UNC5D: variants seen among roughly 807,000 people sequenced by gnomAD.
The protein encoded by UNC5D is unc-5 netrin receptor D.
In UNC5D, 39 loss-of-function variants were observed where a neutral mutation model predicts 105.4. The observed-to-expected ratio is 0.37, with a 90% CI of 0.29 to 0.48. The LOEUF (loss-of-function observed/expected upper bound fraction) is 0.48. UNC5D is among the 20% of genes least tolerant of loss of function. The probability of loss-of-function intolerance (pLI) is 0.98; values close to 1 mark genes in which losing one functional copy is unlikely to be tolerated. For synonymous variants in UNC5D, 452 were observed against 450.4 expected (o/e 1.00, Z -0.04); for missense variants, 991 against 1,202.4 (o/e 0.82, Z 2.60).
At chr8:35,745,751 A>C (rs1829970523) in intron 11 of UNC5D, among the ~76,000 whole-genome samples, 1 of 152,234 alleles carries the variant, frequency 6.6e-6, no homozygotes, top group South Asian at 2.1e-4. Flanking sequence ...CTATGCAAAA[A>C]GGTTTTTCAG....
At position 35,552,717 on chromosome 8, in the gene UNC5D, A is replaced by C. The variant is rs188597297; in HGVS notation, c.322+3207A>C. ...AACAAATTGAATCTTGGTTTCAGGA[A>C]CGTCTCTGATCTTGTGCTCCCAAGG... On this transcript the variant is annotated intron_variant, in intron 2 of 16. Coordinates refer to ENST00000404895, the MANE Select transcript of UNC5D (RefSeq NM_080872.4). Among the ~76,000 whole-genome samples the C allele has an allele frequency of 2.0e-5, 3 of 152,284 alleles. No individual in the cohort carries two copies. The East Asian group carries it at 5.8e-4, about 29-fold the overall frequency.
chr8:35,585,487 G>A (rs1818728185), intron 3 of UNC5D, among the ~76,000 whole-genome samples: 2 of 151,764 alleles, frequency 1.3e-5, no homozygotes, highest in East Asian at 3.9e-4. Flanking sequence ...GGAATTTCAG[G>A]AAGATGTCAT....
chr8:35,600,857 G>C (rs1339841397), intron 4 of UNC5D, among the ~76,000 whole-genome samples: 1 of 152,104 alleles, frequency 6.6e-6, no homozygotes, highest in Admixed American at 6.6e-5. Flanking sequence ...TGGTGTTTTA[G>C]ACATGAAGAC....
intron 1 of UNC5D, among the ~76,000 whole-genome samples, chr8:35,331,576 G>A (rs746939812): frequency 1.3e-5 from 2 of 152,160 alleles, no homozygotes; most frequent in African/African-American, 2.4e-5. Context: ...TTCAGCCTGC[G>A]TCAGCAGTCA....
chr8:35,743,306 G>C (rs1829851671), intron 11 of UNC5D, among the ~76,000 whole-genome samples: 1 of 151,984 alleles, frequency 6.6e-6, no homozygotes, highest in Non-Finnish European at 1.5e-5. Flanking sequence ...GTCTCGCTCT[G>C]TTGCCCAGGC....
chr8:35,652,637 A>G (rs1397339437), intron 4 of UNC5D, among the ~76,000 whole-genome samples: 1 of 151,482 alleles, frequency 6.6e-6, no homozygotes, highest in Non-Finnish European at 1.5e-5. Flanking sequence ...TTAGTTTTCT[A>G]TGTGGTTATC....
chr8:35,444,117 A>G (rs565945293), intron 1 of UNC5D, among the ~76,000 whole-genome samples: 22 of 151,962 alleles, frequency 1.4e-4, no homozygotes, highest in Non-Finnish European at 3.1e-4. Flanking sequence ...CCCATCTCTG[A>G]ATGTTCGTCC....
chr8:35,590,478 C>CCACTTTTTTTCCCACTA (rs1351915604), intron 3 of UNC5D, among the ~76,000 whole-genome samples: 1 of 151,968 alleles, frequency 6.6e-6, no homozygotes, highest in Admixed American at 6.6e-5. Flanking sequence ...ATCTTAATAC[C>CCACTTTTTTTCCCACTA]TTTTCCCACT....
intron 1 of UNC5D, among the ~76,000 whole-genome samples, chr8:35,393,133 T>A (rs987214505): frequency 7.6e-6 from 1 of 131,080 alleles, no homozygotes; most frequent in East Asian, 2.2e-4. Context: ...TACTTTTTTT[T>A]TTTTTTTTTT....
intron 1 of UNC5D, among the ~76,000 whole-genome samples, chr8:35,283,005 A>T (rs1162196901): frequency 6.6e-6 from 1 of 152,184 alleles, no homozygotes; most frequent in African/African-American, 2.4e-5. Context: ...TATAACTCCC[A>T]GGCTGGCTAA....
rs760788154 is a variant in UNC5D, at chr8:35,790,365, A to G, written c.2664A>G (p.Leu888=). The G allele has an allele frequency of 2.5e-6, 4 of 1,613,682 alleles. 1 individual carries two copies. The highest frequency in any genetic ancestry group is 2.2e-5 in the South Asian group (2 of 91,066). ...TTTAACTCTCTCCATCTAGGAATTT[A>G]TCTTATTTCGCTACACAAAGTAGCC... ...LAQKNSINRN[L]SYFATQSSPS... Residue 888 remains leucine (L), a synonymous_variant, in exon 17 of 17, where the codon TTA becomes TTG. Coordinates refer to ENST00000404895, the MANE Select transcript of UNC5D (RefSeq NM_080872.4).
At chr8:35,731,399 C>CCA (rs1280974908) in intron 11 of UNC5D, among the ~76,000 whole-genome samples, 1 of 30,660 alleles carries the variant, frequency 3.3e-5, no homozygotes, top group African/African-American at 6.4e-5. Flanking sequence ...ACTCTGTCTC[C>CCA]AAAAAAAAAA....
chr8:35,647,795 T>C (rs1823149076), intron 4 of UNC5D, among the ~76,000 whole-genome samples: 1 of 152,206 alleles, frequency 6.6e-6, no homozygotes, highest in African/African-American at 2.4e-5. Context: ...GGGCTTCTTT[T>C]ATCTTTTAAT....
intron 4 of UNC5D, among the ~76,000 whole-genome samples, chr8:35,615,954 A>C (rs551446742): frequency 6.6e-6 from 1 of 152,340 alleles, no homozygotes; most frequent in South Asian, 2.1e-4. Context: ...CCGATCCTTA[A>C]AGCTACCATT....
chr8:35,345,462 C>T (rs866458417), intron 1 of UNC5D, among the ~76,000 whole-genome samples: 1 of 151,978 alleles, frequency 6.6e-6, no homozygotes, highest in South Asian at 2.1e-4. Context: ...TCCTGCTATA[C>T]TCTGCTTCAA....
chr8:35,638,254 G>T (rs1822498472), intron 4 of UNC5D, among the ~76,000 whole-genome samples: 1 of 152,082 alleles, frequency 6.6e-6, no homozygotes, highest in East Asian at 1.9e-4. Context: ...TATGCTTTCA[G>T]AAGGAAGGTA....
At chr8:35,353,036 A>G (rs1812352226) in intron 1 of UNC5D, among the ~76,000 whole-genome samples, 1 of 152,164 alleles carries the variant, frequency 6.6e-6, no homozygotes. Flanking sequence ...CCCTAAATGT[A>G]GAAGCCATTG....
chr8:35,352,223 G>A (rs1812288485), intron 1 of UNC5D, among the ~76,000 whole-genome samples: 1 of 151,984 alleles, frequency 6.6e-6, no homozygotes, highest in Non-Finnish European at 1.5e-5. Context: ...TGGTTATTAT[G>A]TTAAATAATC....
chr8:35,270,912 A>T (rs1805234837), intron 1 of UNC5D, among the ~76,000 whole-genome samples: 1 of 91,460 alleles, frequency 1.1e-5, no homozygotes, highest in South Asian at 5.4e-4. Flanking sequence ...TAACATTGAA[A>T]TGTGCCCCTA....
Sources: gnomAD v4.1 joint callset for allele counts (sites outside exome capture counted in the v4.1 genomes callset) on GRCh38, gnomAD v4.1.1 for gene constraint, MANE v1.5 for transcripts, NCBI Gene and HGNC (gene_info 2026-07-23, HGNC 2026-07-21) for gene names.